GBF1: variants seen among roughly 807,000 people sequenced by gnomAD.
GBF1 encodes Golgi-specific brefeldin A-resistance guanine nucleotide exchange factor 1.
GBF1 carries 114 observed loss-of-function variants against 210.5 expected under a neutral mutation model. The ratio of observed to expected loss-of-function variants is 0.54; its 90% CI spans 0.47 to 0.63. GBF1 has a LOEUF of 0.63. Ranked by LOEUF, GBF1 falls within the 30% of genes least tolerant of loss-of-function variation. The pLI is 0.00. For synonymous variants in GBF1, 850 were observed against 889.2 expected, an observed-to-expected ratio of 0.96 and a Z score of 0.78; for missense variants, 1,851 against 2,357.7, an observed-to-expected ratio of 0.79 and a Z score of 4.45.
chr10:102,244,788 A>G (rs143609729), upstream of GBF1, among the ~76,000 whole-genome samples: 103 of 152,236 alleles, frequency 6.8e-4, no homozygotes, highest in African/African-American at 2.3e-3. Flanking sequence ...CTGCTCTGCT[A>G]TTTACTAATT....
intron 29 of GBF1, among the ~76,000 whole-genome samples, chr10:102,374,397 C>T (rs1474386315): frequency 2.0e-5 from 3 of 151,168 alleles, no homozygotes; most frequent in African/African-American, 7.3e-5. Context: ...GGGATGGGGG[C>T]AGGAAGGAGG....
chr10:102,311,687 A>G (rs764794055), intron 3 of GBF1, among the ~76,000 whole-genome samples: 3 of 152,298 alleles, frequency 2.0e-5, no homozygotes, highest in South Asian at 2.1e-4. Flanking sequence ...AATTGTGGCT[A>G]TGGGCCTAAT....
intron 3 of GBF1, among the ~76,000 whole-genome samples, chr10:102,263,427 A>G (rs1217706478): frequency 6.6e-6 from 1 of 152,146 alleles, no homozygotes; most frequent in Non-Finnish European, 1.5e-5. Context: ...TGACTTGGAC[A>G]TGGTCCTTTT....
intron 39 of GBF1, among the ~76,000 whole-genome samples, chr10:102,381,573 A>C (rs551421534): frequency 6.6e-5 from 10 of 152,274 alleles, no homozygotes; most frequent in African/African-American, 2.2e-4. Flanking sequence ...CTGTAATCCC[A>C]GCACTTTGGG....
rs1161092378 is a variant in GBF1, at chr10:102,258,907, A to G, written c.-10-22A>G. 5 of 1,200,298 alleles carry G rather than the reference A, an allele frequency of 4.2e-6. No individual in the cohort carries two copies. The African/African-American group carries it at 4.5e-5, about 11-fold the overall frequency. 74.4% of individuals were successfully genotyped at this position (1,200,298 alleles called of 1,614,324 possible). ...TGGGTAACCAAATATTAACCAGACTATTATCTTAACTGTTTTGGTAGGTTT... is the reference window on the plus strand; with the variant it reads ...TGGGTAACCAAATATTAACCAGACTGTTATCTTAACTGTTTTGGTAGGTTT... On this transcript the variant is annotated intron_variant, in intron 1 of 39. Coordinates refer to ENST00000369983, the MANE Select transcript of GBF1 (RefSeq NM_001377137.1).
At chr10:102,295,067 G>C (rs568584296) in intron 3 of GBF1, among the ~76,000 whole-genome samples, 28 of 152,248 alleles carry the variant, frequency 1.8e-4, no homozygotes, top group African/African-American at 6.5e-4. Flanking sequence ...GATTCTTTTG[G>C]AATTTACTCC....
Position 102,365,457 on chromosome 10 carries a change from C to G in GBF1, c.2167C>G (p.Gln723Glu), listed in dbSNP as rs899347346. ...ACCAAAGAAGGGGATTCAGTTTCTG[C>G]AAGAGAAAGGCCTCCTCACCATCCC... Reference protein sequence around the residue: ...QKPKKGIQFLQEKGLLTIPMD... With the variant: ...QKPKKGIQFLEEKGLLTIPMD... Residue 723 changes from glutamine (Q) to glutamate (E), a missense_variant, in exon 18 of 40, where the codon CAA (glutamine) becomes GAA (glutamate). Around this residue, in one of 3 missense-constraint regions of GBF1, gnomAD observed 804 missense variants for 958.6 expected, o/e 0.84. Coordinates refer to ENST00000369983, the MANE Select transcript of GBF1 (RefSeq NM_001377137.1). The G allele has an allele frequency of 1.2e-6, 2 of 1,613,910 alleles. No homozygotes were observed. Among genetic ancestry groups the G allele is most frequent in the African/African-American group, 2.7e-5 (2 of 74,918 alleles).
intron 3 of GBF1, among the ~76,000 whole-genome samples, chr10:102,336,709 A>G (rs2057769244): frequency 6.6e-6 from 1 of 152,204 alleles, no homozygotes; most frequent in Non-Finnish European, 1.5e-5. Context: ...CTTAGCTTCT[A>G]GTCCTGGTTC....
At chr10:102,258,900 C>T (rs1434731766) in intron 1 of GBF1, 29 bp from the exon 2 acceptor site, 2 of 1,147,452 alleles carry the variant, frequency 1.7e-6, no homozygotes, top group African/African-American at 1.5e-5. Flanking sequence ...CAAATATTAA[C>T]CAGACTATTA....
chr10:102,231,542 C>T, the GBF1 span: 1 of 1,320,882 alleles, frequency 7.6e-7, no homozygotes. Flanking sequence ...GCAGGCTGAG[C>T]GCGGAGGGCC....
At chr10:102,377,406 T>G (rs1463334572) in intron 33 of GBF1, among the ~76,000 whole-genome samples, 2 of 152,060 alleles carry the variant, frequency 1.3e-5, no homozygotes, top group African/African-American at 2.4e-5. Flanking sequence ...CAGGCTGGAG[T>G]GCAGTGGCGT....
intron 3 of GBF1, among the ~76,000 whole-genome samples, chr10:102,331,481 T>G (rs1280045259): frequency 6.6e-6 from 1 of 151,910 alleles, no homozygotes; most frequent in African/African-American, 2.4e-5. Context: ...GGGTTTTGAT[T>G]CATTAAAAAA....
chr10:102,300,800 T>G (rs2077272463), intron 3 of GBF1, among the ~76,000 whole-genome samples: 1 of 152,192 alleles, frequency 6.6e-6, no homozygotes, highest in Admixed American at 6.5e-5. Flanking sequence ...CATATGTGAC[T>G]AAGTTATTGA....
intron 3 of GBF1, among the ~76,000 whole-genome samples, chr10:102,338,482 G>A (rs998876063): frequency 1.3e-5 from 2 of 151,778 alleles, no homozygotes; most frequent in African/African-American, 4.8e-5. Context: ...GACCTCAAGT[G>A]ATCCACTCAC....
At chr10:102,313,742 A>G (rs1226254707) in intron 3 of GBF1, among the ~76,000 whole-genome samples, 1 of 152,178 alleles carries the variant, frequency 6.6e-6, no homozygotes, top group Non-Finnish European at 1.5e-5. Context: ...TGTCCACCTA[A>G]CTAGTGTGAT....
intron 3 of GBF1, among the ~76,000 whole-genome samples, chr10:102,287,307 CA>C (rs1390454516): frequency 7.3e-6 from 1 of 137,174 alleles, no homozygotes. Flanking sequence ...AATTAAAAAA[CA>C]AAAAAAATTT....
chr10:102,382,691 T>G lies in GBF1; in HGVS notation c.*355T>G, dbSNP rs1281463012. 3 of 231,754 alleles carry G rather than the reference T, an allele frequency of 1.3e-5. No homozygotes were observed. The highest frequency in any genetic ancestry group is 8.4e-6 in the Non-Finnish European group (1 of 119,406). 14.4% of individuals were successfully genotyped at this position (231,754 alleles called of 1,614,324 possible). A position where few individuals can be genotyped will look rare whatever the true frequency, so the allele number is the denominator to read the frequency against. ...AAACTAAGCCCAACCACTCTGCACT[T>G]TGTTTCCCACTCCCATTAGCCCTGG... On this transcript the variant is annotated 3_prime_UTR_variant, in exon 40 of 40. Transcript: ENST00000369983.
In GBF1 at chr10:102,344,140, GCACTC is replaced by G; in HGVS notation, c.254_258del (p.Ala85AspfsTer17). 1 of 1,613,460 alleles carries G rather than the reference GCACTC, an allele frequency of 6.2e-7. No homozygotes were observed. Among genetic ancestry groups the G allele is most frequent in the Non-Finnish European group, 8.5e-7 (1 of 1,179,398 alleles). ...TACCACTGGCCCTATCACTGGACTG[GCACTC>G]ACCTCTGTCAACAAGTTCCTGTCCT... On this transcript the variant is annotated frameshift_variant, in exon 4 of 40. Transcript: ENST00000369983. LOFTEE classifies it high-confidence loss of function.
At chr10:102,355,966 A>G (rs562060343) in intron 8 of GBF1, among the ~76,000 whole-genome samples, 1 of 152,320 alleles carries the variant, frequency 6.6e-6, no homozygotes, top group African/African-American at 2.4e-5. Context: ...CTCCTTAGCT[A>G]TAGCGGTCAG....
Sources: allele counts gnomAD v4.1 joint callset (sites outside exome capture counted in the v4.1 genomes callset), GRCh38; gene constraint gnomAD v4.1.1; regional missense constraint gnomAD v4.1.1; transcripts MANE v1.5; gene names NCBI Gene and HGNC (gene_info 2026-07-23, HGNC 2026-07-21).